The following PFKFB3 variants were observed in gnomAD, a reference collection of about 807,000 sequenced individuals.
PFKFB3 encodes 6-phosphofructo-2-kinase/fructose-2,6-biphosphatase 3.
A neutral mutation model predicts 68.0 loss-of-function variants in PFKFB3; 33 were observed. The observed-to-expected ratio is 0.49, with a 90% CI of 0.37 to 0.65. The LOEUF is 0.65. Among genes scored for constraint, PFKFB3 ranks in the 30% least tolerant of loss-of-function variants. PFKFB3 has a pLI of 0.00. For missense variants in PFKFB3, 586 were observed against 712.2 expected, an observed-to-expected ratio of 0.82 and a Z score of 2.02; for synonymous variants, 315 against 288.2, an observed-to-expected ratio of 1.09 and a Z score of -0.94.
chr10:6,157,037 A>G (rs1841824942), intron 1 of PFKFB3, among the ~76,000 whole-genome samples: 1 of 150,734 alleles, frequency 6.6e-6, no homozygotes, highest in South Asian at 2.1e-4. Context: ...GGTTGCAGTG[A>G]GCCGAGATGG....
At chr10:6,161,585 C>CAT (rs36111327) in intron 1 of PFKFB3, among the ~76,000 whole-genome samples, 1,643 of 115,514 alleles carry the variant, frequency 0.014, 67 homozygotes, top group East Asian at 0.11. Context: ...TACACACACA[C>CAT]ATATATATAT....
chr10:6,297,266 G>A, the PFKFB3 span, among the ~76,000 whole-genome samples: 1 of 152,218 alleles, frequency 6.6e-6, no homozygotes, highest in South Asian at 2.1e-4. Context: ...CACAGTGGAA[G>A]TGGCTTTCAT....
chr10:6,251,011 G>C (rs57319805), intron 14 of PFKFB3, among the ~76,000 whole-genome samples: 12,832 of 152,118 alleles, frequency 0.084, 949 homozygotes, highest in East Asian at 0.2. Flanking sequence ...TGTTTTAATT[G>C]GTTTGAATAC....
chr10:6,242,196 T>C (rs1401984655), intron 14 of PFKFB3, among the ~76,000 whole-genome samples: 2 of 152,254 alleles, frequency 1.3e-5, no homozygotes, highest in African/African-American at 4.8e-5. Flanking sequence ...TTTGTAATTC[T>C]TTCATAAGGA....
At chr10:6,281,843 G>A in the PFKFB3 span, among the ~76,000 whole-genome samples, 1 of 152,042 alleles carries the variant, frequency 6.6e-6, no homozygotes, top group African/African-American at 2.4e-5. Flanking sequence ...AGCAAAGATC[G>A]ATTGAATCTC....
chr10:6,166,831 T>C (rs1842156487), intron 1 of PFKFB3, among the ~76,000 whole-genome samples: 1 of 147,604 alleles, frequency 6.8e-6, no homozygotes, highest in South Asian at 2.1e-4. Flanking sequence ...CTTTTTTTTT[T>C]TTTTTTTTTT....
chr10:6,288,711 A>G, the PFKFB3 span, among the ~76,000 whole-genome samples: 4 of 152,072 alleles, frequency 2.6e-5, no homozygotes, highest in Non-Finnish European at 5.9e-5. Flanking sequence ...TCCTTTGGGT[A>G]TATACCCAGT....
chr10:6,234,498 T>C lies in PFKFB3; in HGVS notation c.*1556T>C, dbSNP rs1317369682. ...ACAATCAAGTGGGGGATTTTCATGC[T>C]GAACCATTCAAGCCCTCCCCGCCCG... On this transcript the variant is annotated 3_prime_UTR_variant, in exon 15 of 15. Coordinates refer to ENST00000379775, the MANE Select transcript of PFKFB3 (RefSeq NM_004566.4). 1 of 152,314 alleles carries C rather than the reference T, an allele frequency of 6.6e-6. No individual in the cohort carries two copies. The highest frequency in any genetic ancestry group is 2.4e-5 in the African/African-American group (1 of 41,444). The allele number at this position is 152,314 out of a possible 1,614,324, so 9.4% of individuals were successfully genotyped here.
chr10:6,300,347 C>T, the PFKFB3 span, among the ~76,000 whole-genome samples: 2 of 152,086 alleles, frequency 1.3e-5, no homozygotes, highest in Non-Finnish European at 2.9e-5. Flanking sequence ...GGACCTGGCA[C>T]GTAACAGATG....
the PFKFB3 span, among the ~76,000 whole-genome samples, chr10:6,273,885 C>G: frequency 6.6e-6 from 1 of 152,144 alleles, no homozygotes; most frequent in Non-Finnish European, 1.5e-5. Flanking sequence ...ATCTTGGACT[C>G]CCACCTTCCA....
chr10:6,295,693 G>A, the PFKFB3 span, among the ~76,000 whole-genome samples: 5 of 152,180 alleles, frequency 3.3e-5, no homozygotes, highest in South Asian at 8.3e-4. Flanking sequence ...CTGGGCCTTG[G>A]TAAAACCCCA....
chr10:6,299,111 G>A, the PFKFB3 span, among the ~76,000 whole-genome samples: 1 of 152,140 alleles, frequency 6.6e-6, no homozygotes, highest in East Asian at 1.9e-4. Flanking sequence ...TTCCTTTGTA[G>A]GATTGGAAAC....
At chr10:6,326,427 A>T in the PFKFB3 span, 1 of 412,052 alleles carries the variant, frequency 2.4e-6, no homozygotes, top group Non-Finnish European at 4.8e-6. Context: ...CATCCTGCAC[A>T]TGTACCCCAG....
the PFKFB3 span, chr10:6,294,225 G>A: frequency 2.4e-4 from 129 of 530,324 alleles, 1 homozygote; most frequent in African/African-American, 2.4e-3. Context: ...AGAAGCTTCT[G>A]ACAAAATTGC....
chr10:6,153,262 G>T (rs1394480988), intron 1 of PFKFB3, among the ~76,000 whole-genome samples: 2 of 152,230 alleles, frequency 1.3e-5, no homozygotes, highest in African/African-American at 2.4e-5. Flanking sequence ...CCTGTCCTGC[G>T]GGTGCCTACC....
chr10:6,232,426 A>G (rs1845805168), intron 14 of PFKFB3, among the ~76,000 whole-genome samples: 1 of 151,374 alleles, frequency 6.6e-6, no homozygotes, highest in South Asian at 2.1e-4. Flanking sequence ...TCTGCCTGTC[A>G]AGCTCTGTTC....
chr10:6,294,272 A>C, the PFKFB3 span: 1 of 523,920 alleles, frequency 1.9e-6, no homozygotes, highest in Non-Finnish European at 3.9e-6. Flanking sequence ...CAGTGTATTA[A>C]TCTGTTCTCA....
the PFKFB3 span, chr10:6,293,300 C>T: frequency 5.4e-6 from 2 of 369,062 alleles, no homozygotes; most frequent in Admixed American, 3.1e-5. Flanking sequence ...TGTGAGAAGA[C>T]CATTTCTGGC....
chr10:6,228,137 G>C lies in PFKFB3; in HGVS notation c.1515+1772G>C. On this transcript the variant is annotated intron_variant, in intron 14 of 14. Coordinates refer to ENST00000379775, the MANE Select transcript of PFKFB3 (RefSeq NM_004566.4). This position sits in a 1 kb window ranked among gnomAD's most constrained non-coding sequence, Gnocchi z 4.5. Reference sequence around the variant, plus strand: ...CCGGCGTGGGGTTTTTCAGGGCTTCGTCCCTGCAGATTGCGCCCTGCCTCC... The same window carrying C: ...CCGGCGTGGGGTTTTTCAGGGCTTCCTCCCTGCAGATTGCGCCCTGCCTCC... The C allele has an allele frequency of 6.2e-7, 1 of 1,604,128 alleles. No individual in the cohort carries two copies. Among genetic ancestry groups the C allele is most frequent in the East Asian group, 2.2e-5 (1 of 44,844 alleles).
Sources: gnomAD v4.1 joint callset for allele counts (sites outside exome capture counted in the v4.1 genomes callset) on GRCh38, gnomAD v4.1.1 for gene constraint, Gnocchi (gnomAD v3.1) non-coding constraint, MANE v1.5 for transcripts, NCBI Gene and HGNC (gene_info 2026-07-23, HGNC 2026-07-21) for gene names.